Variants in GRAMD1A observed in about 807,000 individuals in gnomAD.
The protein encoded by GRAMD1A is protein Aster-A.
In GRAMD1A, 50 loss-of-function variants were observed where a neutral mutation model predicts 92.0. That is an observed-to-expected ratio of 0.54 (90% CI 0.43 to 0.69). GRAMD1A has a LOEUF of 0.69. Among genes scored for constraint, GRAMD1A ranks in the 30% least tolerant of loss-of-function variants. The pLI, the probability that GRAMD1A is intolerant of heterozygous loss-of-function variation, is 0.00. For synonymous variants in GRAMD1A, 405 were observed against 403.6 expected (o/e 1.00, Z -0.04); for missense variants, 819 against 978.9 (o/e 0.84, Z 2.18).
At position 35,013,436 on chromosome 19, in the gene GRAMD1A, T is replaced by C; in HGVS notation, c.719+68T>C. 3 of 1,520,630 alleles carry C rather than the reference T, an allele frequency of 2.0e-6. No homozygotes were observed. Among genetic ancestry groups the C allele is most frequent in the Non-Finnish European group, 2.7e-6 (3 of 1,100,598 alleles). The allele number at this position is 1,520,630 out of a possible 1,614,324, so 94.2% of individuals were successfully genotyped here. A position where few individuals can be genotyped will look rare whatever the true frequency, so the allele number is the denominator to read the frequency against. Reference sequence around the variant, plus strand: ...CAGGACGGTCGGCGTGCAGAGTTCCTGGAGTGCTGGGGGGCCTGAGATGGT... The same window carrying C: ...CAGGACGGTCGGCGTGCAGAGTTCCCGGAGTGCTGGGGGGCCTGAGATGGT... On this transcript the variant is annotated intron_variant, in intron 8 of 19. Transcript: ENST00000317991. The surrounding 1 kb of genome is among the most constrained non-coding windows in gnomAD (Gnocchi z 4.9).
chr19:35,006,579 A>T (rs1230118817), intron 1 of GRAMD1A, among the ~76,000 whole-genome samples: 1 of 152,218 alleles, frequency 6.6e-6, no homozygotes, highest in African/African-American at 2.4e-5. Context: ...TGAAGTTGGG[A>T]GTGTCCTGTT....
chr19:35,017,692 G>A lies in GRAMD1A; in HGVS notation c.1214-1499G>A, dbSNP rs530841755. 5.0e-5 allele frequency among the ~76,000 whole-genome samples: 6 copies of A among 120,498 alleles called. No individual in the cohort carries two copies. The East Asian group carries it at 1.1e-3, about 21-fold the overall frequency. 79.1% of individuals were successfully genotyped at this position (120,498 alleles called of 152,430 possible). On this transcript the variant is annotated intron_variant, in intron 11 of 19. Coordinates refer to ENST00000317991, the MANE Select transcript of GRAMD1A (RefSeq NM_020895.5). ...GCGGCCTCCTGGGCTCCTCTGCCCC[G>A]ACCCCTTCCTTCCTCAGTTCCTCCT... is the stretch of plus-strand genomic sequence containing the variant.
Position 35,010,529 on chromosome 19 carries a change from CT to C in GRAMD1A, c.525+151del, listed in dbSNP as rs923023810. On this transcript the variant is annotated intron_variant, in intron 6 of 19. Coordinates refer to ENST00000317991, the MANE Select transcript of GRAMD1A (RefSeq NM_020895.5). Reference sequence around the variant, plus strand: ...CTCCCGGCCCAGGCGCCCATCACCCCTGACCTGATCCCCGCACCAGCCTCTC... The same window carrying C: ...CTCCCGGCCCAGGCGCCCATCACCCCGACCTGATCCCCGCACCAGCCTCTC... The C allele has an allele frequency of 4.8e-6, 3 of 627,034 alleles. No individual in the cohort carries two copies. In the African/African-American group the frequency reaches 5.5e-5, roughly 11 times the overall value. The allele number at this position is 627,034 out of a possible 1,614,324, so 38.8% of individuals were successfully genotyped here. A position where few individuals can be genotyped will look rare whatever the true frequency, so the allele number is the denominator to read the frequency against.
intron 11 of GRAMD1A, among the ~76,000 whole-genome samples, chr19:35,018,346 G>A (rs2902173): frequency 6.6e-6 from 1 of 151,888 alleles, no homozygotes; most frequent in African/African-American, 2.4e-5. Flanking sequence ...GAGCAAGTGA[G>A]AGAGAGTGGA....
chr19:35,009,546 G>C (rs2015069835), intron 3 of GRAMD1A, 103 bp downstream of exon 3: 1 of 1,204,326 alleles, frequency 8.3e-7, no homozygotes, highest in Non-Finnish European at 1.2e-6. Flanking sequence ...GAGATGGAGT[G>C]GGTGCAGACC....
In GRAMD1A at chr19:35,021,250, G is replaced by A. The variant is rs565806548; in HGVS notation, c.1476-252G>A. ...TCTGTGAGTAGACAGGGCTCAGGCC[G>A]CCGGGAGCGTTGCCCAGGTAGTGGG... On this transcript the variant is annotated intron_variant, in intron 13 of 19. Coordinates refer to ENST00000317991, the MANE Select transcript of GRAMD1A (RefSeq NM_020895.5). This position sits in a 1 kb window ranked among gnomAD's most constrained non-coding sequence, Gnocchi z 5.3. 2.6e-4 allele frequency among the ~76,000 whole-genome samples: 40 copies of A among 152,308 alleles called. No individual in the cohort carries two copies. The highest frequency in any genetic ancestry group is 2.5e-3 in the South Asian group (12 of 4,822).
chr19:35,026,118 C>A lies in GRAMD1A; in HGVS notation c.2152C>A (p.Arg718=). ...VSDPPFDTQP[R]PDDSFS is the part of the protein sequence containing the mutation. ...AGACCCTCCCTTTGACACCCAGCCCCGGCCCGATGACAGCTTTTCCTGAGG... is the reference window on the plus strand; with the variant it reads ...AGACCCTCCCTTTGACACCCAGCCCAGGCCCGATGACAGCTTTTCCTGAGG... The change falls in exon 20 of 20, where the codon CGG becomes AGG. Residue 718 remains arginine, a synonymous_variant. Coordinates refer to ENST00000317991, the MANE Select transcript of GRAMD1A (RefSeq NM_020895.5). 6.3e-7 allele frequency: 1 copy of A among 1,589,670 alleles called. No homozygotes were observed. Among genetic ancestry groups the A allele is most frequent in the Non-Finnish European group, 8.6e-7 (1 of 1,157,766 alleles).
At chr19:34,995,997 C>G, upstream of GRAMD1A, 1 of 1,513,070 alleles carries the variant, frequency 6.6e-7, no homozygotes, top group Non-Finnish European at 8.8e-7. Context: ...TTCCCAGAGA[C>G]CACACCGCTG....
chr19:35,007,260 A>G (rs1600285232), intron 1 of GRAMD1A, among the ~76,000 whole-genome samples: 1 of 152,310 alleles, frequency 6.6e-6, no homozygotes, highest in East Asian at 1.9e-4. Flanking sequence ...TGGGTATAAT[A>G]AAAATAACGG....
Position 35,013,460 on chromosome 19 carries a change from G to C in GRAMD1A, c.720-81G>C. The stretch of plus-strand genomic sequence containing the variant: ...CTGGAGTGCTGGGGGGCCTGAGATG[G>C]TTGTATGACGTCTGGAGGATTCAGG... On this transcript the variant is annotated intron_variant, in intron 8 of 19. Coordinates refer to ENST00000317991, the MANE Select transcript of GRAMD1A (RefSeq NM_020895.5). This position sits in a 1 kb window ranked among gnomAD's most constrained non-coding sequence, Gnocchi z 4.9. 1 of 1,540,146 alleles carries C rather than the reference G, an allele frequency of 6.5e-7. No individual in the cohort carries two copies. Among genetic ancestry groups the C allele is most frequent in the South Asian group, 1.1e-5 (1 of 87,716 alleles).
intron 13 of GRAMD1A, among the ~76,000 whole-genome samples, chr19:35,019,932 C>T (rs188751632): frequency 3.3e-5 from 5 of 152,262 alleles, no homozygotes; most frequent in East Asian, 1.9e-4. Flanking sequence ...CTTTTACACC[C>T]GACACGCTGG....
chr19:35,017,693 A>AC (rs11453912), intron 11 of GRAMD1A, among the ~76,000 whole-genome samples: 63,061 of 151,560 alleles, frequency 0.42, 13,744 homozygotes, highest in African/African-American at 0.54. Context: ...CTCTGCCCCG[A>AC]CCCCTTCCTT....
In GRAMD1A at chr19:35,021,472, T is replaced by TA; in HGVS notation, c.1476-29dup. The TA allele has an allele frequency of 1.9e-6, 3 of 1,544,094 alleles. No individual in the cohort carries two copies. In the South Asian group the frequency reaches 3.3e-5, roughly 17 times the overall value. ...GCAGCCAGGGCTGGAGTCAGACCCT[T>TA]ACCTCCTTCCCCTGATCTCCCAACC... On this transcript the variant is annotated intron_variant, in intron 13 of 19. Coordinates refer to ENST00000317991, the MANE Select transcript of GRAMD1A (RefSeq NM_020895.5). This position sits in a 1 kb window ranked among gnomAD's most constrained non-coding sequence, Gnocchi z 5.3.
In GRAMD1A at chr19:35,026,339, C is replaced by T; in HGVS notation, c.*198C>T. 1.7e-6 allele frequency: 1 copy of T among 587,856 alleles called. No homozygotes were observed. Among genetic ancestry groups the T allele is most frequent in the Non-Finnish European group, 3.0e-6 (1 of 328,544 alleles). 36.4% of individuals were successfully genotyped at this position (587,856 alleles called of 1,614,324 possible). A position where few individuals can be genotyped will look rare whatever the true frequency, so the allele number is the denominator to read the frequency against. On this transcript the variant is annotated 3_prime_UTR_variant, in exon 20 of 20. Transcript: ENST00000317991. ...GGAGCTGGCCCGGCCTCTGGCAGGCCCCCCACTAACTTATTTTGCCCGGCT... is the reference window on the plus strand; with the variant it reads ...GGAGCTGGCCCGGCCTCTGGCAGGCTCCCCACTAACTTATTTTGCCCGGCT...
chr19:35,017,212 C>A lies in GRAMD1A; in HGVS notation c.1213+1245C>A, dbSNP rs1315659989. On this transcript the variant is annotated intron_variant, in intron 11 of 19. Coordinates refer to ENST00000317991, the MANE Select transcript of GRAMD1A (RefSeq NM_020895.5). ...TCCTGAGGCCTCCCCAGAAGCCGAG[C>A]AGATGTCGGCATCATGCTTCCTATA... 2.0e-5 allele frequency among the ~76,000 whole-genome samples: 3 copies of A among 151,864 alleles called. No individual in the cohort carries two copies. The East Asian group carries it at 5.8e-4, about 29-fold the overall frequency.
intron 6 of GRAMD1A, chr19:35,010,648 C>T (rs2015167861): frequency 3.4e-6 from 2 of 589,028 alleles, no homozygotes; most frequent in African/African-American, 3.7e-5. Context: ...TCAGCCGCCC[C>T]TCCCTTCGTA....
intron 12 of GRAMD1A, 39 bp from the exon 13 acceptor site, chr19:35,019,352 A>G: frequency 6.2e-7 from 1 of 1,613,076 alleles, no homozygotes; most frequent in South Asian, 1.1e-5. Context: ...CAGCTGGGTG[A>G]GTGGGGTGGC....
Position 35,021,883 on chromosome 19 carries a change from G to A in GRAMD1A, c.1753+19G>A, listed in dbSNP as rs368631848. The A allele has an allele frequency of 3.7e-6, 6 of 1,606,016 alleles. No individual in the cohort carries two copies. The highest frequency in any genetic ancestry group is 2.2e-5 in the East Asian group (1 of 44,720). On this transcript the variant is annotated intron_variant, in intron 15 of 19. Coordinates refer to ENST00000317991, the MANE Select transcript of GRAMD1A (RefSeq NM_020895.5). The surrounding 1 kb of genome is among the most constrained non-coding windows in gnomAD (Gnocchi z 5.3). Reference sequence around the variant, plus strand: ...ACCTCGGGTACGTTCCGTTGGGGCCGGGTTGGGGTAGGCGGAGGATCGGGG... The same window carrying A: ...ACCTCGGGTACGTTCCGTTGGGGCCAGGTTGGGGTAGGCGGAGGATCGGGG...
At chr19:35,019,756 A>G (rs561799220) in intron 13 of GRAMD1A, among the ~76,000 whole-genome samples, 35 of 152,292 alleles carry the variant, frequency 2.3e-4, no homozygotes, top group Non-Finnish European at 4.3e-4. Flanking sequence ...GACTCTGAGG[A>G]TACAGCAAAG....
Sources: allele counts gnomAD v4.1 joint callset (sites outside exome capture counted in the v4.1 genomes callset), GRCh38; gene constraint gnomAD v4.1.1; non-coding constraint Gnocchi (gnomAD v3.1); transcripts MANE v1.5; gene names NCBI Gene and HGNC (gene_info 2026-07-23, HGNC 2026-07-21).